Variants in EPHX2 observed in about 807,000 individuals in gnomAD.
EPHX2 encodes bifunctional epoxide hydrolase 2.
In EPHX2, 74 loss-of-function variants were observed where a neutral mutation model predicts 78.7. That is an observed-to-expected ratio of 0.94 (90% CI 0.78 to 1.14). The LOEUF (loss-of-function observed/expected upper bound fraction) is 1.14. Among genes scored for constraint, EPHX2 ranks in the 50% most tolerant of loss-of-function variants. The pLI is 0.00. For missense variants in EPHX2, 715 were observed against 702.5 expected, an observed-to-expected ratio of 1.02 and a Z score of -0.20; for synonymous variants, 251 against 255.2, an observed-to-expected ratio of 0.98 and a Z score of 0.16.
At chr8:27,507,043 T>G (rs2132726640) in intron 5 of EPHX2, 49 bp downstream of exon 5, 1 of 1,599,428 alleles carries the variant, frequency 6.3e-7, no homozygotes, top group African/African-American at 1.3e-5. Context: ...ATCTGTGGTT[T>G]CTGGACTCAG....
intron 12 of EPHX2, among the ~76,000 whole-genome samples, chr8:27,536,273 T>C (rs1415801593): frequency 6.6e-6 from 1 of 152,182 alleles, no homozygotes; most frequent in African/African-American, 2.4e-5. Flanking sequence ...AAAAAAATTG[T>C]TTAAGTTTCT....
chr8:27,503,602 A>G lies in EPHX2; in HGVS notation c.187-2A>G, dbSNP rs778159836. The G allele has an allele frequency of 6.2e-7, 1 of 1,607,824 alleles. No individual in the cohort carries two copies. The highest frequency in any genetic ancestry group is 8.5e-7 in the Non-Finnish European group (1 of 1,176,728). ...AATTGTCCCCTCACTTCACTTTGAC[A>G]GTGGATACCACTCATGGAAGAAAAC... On this transcript the variant is annotated splice_acceptor_variant, in intron 2 of 18. Transcript: ENST00000521400. LOFTEE classifies it high-confidence loss of function.
At chr8:27,536,175 C>T (rs1370143341) in intron 12 of EPHX2, among the ~76,000 whole-genome samples, 2 of 152,164 alleles carry the variant, frequency 1.3e-5, no homozygotes, top group Non-Finnish European at 2.9e-5. Context: ...GCTGCCCTGT[C>T]TGTGGAATAC....
intron 1 of EPHX2, among the ~76,000 whole-genome samples, chr8:27,497,458 G>T (rs1170988628): frequency 6.6e-6 from 1 of 152,202 alleles, no homozygotes; most frequent in Non-Finnish European, 1.5e-5. Context: ...AGGTTTGTTT[G>T]TGTGAGGGAC....
At chr8:27,538,808 T>G (rs1245445278) in intron 14 of EPHX2, 116 bp downstream of exon 14, 1 of 1,244,690 alleles carries the variant, frequency 8.0e-7, no homozygotes, top group Admixed American at 1.7e-5. Context: ...AACTTTAAGT[T>G]GCCCAACCAG....
intron 15 of EPHX2, 40 bp downstream of exon 15, chr8:27,540,696 T>A: frequency 7.8e-6 from 12 of 1,542,668 alleles, no homozygotes; most frequent in Non-Finnish European, 1.1e-5. Flanking sequence ...TGAGAGATGA[T>A]CGACAGATAG....
chr8:27,492,194 CT>C (rs1554518612), intron 1 of EPHX2, among the ~76,000 whole-genome samples: 1 of 152,102 alleles, frequency 6.6e-6, no homozygotes, highest in Non-Finnish European at 1.5e-5. Context: ...TGTCCGGAGC[CT>C]TTGCTTTTAA....
chr8:27,540,186 A>G (rs1815350586), intron 14 of EPHX2, among the ~76,000 whole-genome samples: 2 of 152,210 alleles, frequency 1.3e-5, no homozygotes, highest in Non-Finnish European at 2.9e-5. Flanking sequence ...AAAGGGCCAC[A>G]GTTAAGCTGG....
At chr8:27,500,902 C>T (rs747331659) in intron 1 of EPHX2, 24 bp from the exon 2 acceptor site, 1 of 1,600,938 alleles carries the variant, frequency 6.2e-7, no homozygotes, top group Non-Finnish European at 8.5e-7. Context: ...ACAGAATGTT[C>T]CTGATGTTCT....
chr8:27,502,111 C>T (rs949389117), intron 2 of EPHX2, among the ~76,000 whole-genome samples: 2 of 152,056 alleles, frequency 1.3e-5, no homozygotes, highest in African/African-American at 4.8e-5. Flanking sequence ...TACCATCCCT[C>T]CAAGAGTATT....
At chr8:27,526,518 A>G (rs535864258) in intron 12 of EPHX2, among the ~76,000 whole-genome samples, 88 of 152,274 alleles carry the variant, frequency 5.8e-4, no homozygotes, top group African/African-American at 1.9e-3. Flanking sequence ...TGGTGAGACT[A>G]TGGGTGTGGT....
At chr8:27,537,040 A>C (rs1355717359) in intron 13 of EPHX2, among the ~76,000 whole-genome samples, 185 bp downstream of exon 13, 1 of 152,210 alleles carries the variant, frequency 6.6e-6, no homozygotes, top group Non-Finnish European at 1.5e-5. Flanking sequence ...ACAAGGTCAG[A>C]GAATGATTAT....
intron 8 of EPHX2, among the ~76,000 whole-genome samples, chr8:27,517,799 G>A (rs978615998): frequency 2.6e-5 from 4 of 152,166 alleles, no homozygotes; most frequent in Admixed American, 2.6e-4. Flanking sequence ...AAAACACAGG[G>A]GGAAAGCTTG....
chr8:27,543,294 G>T (rs922780941), intron 16 of EPHX2, among the ~76,000 whole-genome samples: 1 of 152,122 alleles, frequency 6.6e-6, no homozygotes, highest in African/African-American at 2.4e-5. Context: ...GCCTTCCTGT[G>T]CATGCCTCCC....
chr8:27,526,996 A>G (rs928157712), intron 12 of EPHX2, among the ~76,000 whole-genome samples: 2 of 152,132 alleles, frequency 1.3e-5, no homozygotes, highest in Admixed American at 6.5e-5. Context: ...GCTGGAGTAC[A>G]GTGGCGCAAT....
chr8:27,526,489 T>C (rs1814850789), intron 12 of EPHX2, among the ~76,000 whole-genome samples: 1 of 152,096 alleles, frequency 6.6e-6, no homozygotes, highest in African/African-American at 2.4e-5. Context: ...TGTCCTTCAT[T>C]AGTGTGAGAT....
chr8:27,531,513 T>G (rs981183956), intron 12 of EPHX2, among the ~76,000 whole-genome samples: 4 of 152,210 alleles, frequency 2.6e-5, no homozygotes, highest in African/African-American at 9.7e-5. Context: ...TTGGCCTGTC[T>G]TGGAGAACAC....
At chr8:27,534,469 G>A (rs1815147252) in intron 12 of EPHX2, among the ~76,000 whole-genome samples, 1 of 152,100 alleles carries the variant, frequency 6.6e-6, no homozygotes, top group Non-Finnish European at 1.5e-5. Flanking sequence ...CGACCAACAT[G>A]ATGAAACCCC....
At position 27,538,759 on chromosome 8, in the gene EPHX2, T is replaced by A. The variant is rs375770010; in HGVS notation, c.1276+67T>A. 138 of 1,552,132 alleles carry A rather than the reference T, an allele frequency of 8.9e-5. 1 individual carries two copies. The highest frequency in any genetic ancestry group is 1.1e-4 in the Non-Finnish European group (129 of 1,124,410). ...AATGTTAAAGGGATGTTTCTGTCTC[T>A]GACTGCTATGGGCAGAAGCCCTGAG... On this transcript the variant is annotated intron_variant, in intron 14 of 18. Coordinates refer to ENST00000521400, the MANE Select transcript of EPHX2 (RefSeq NM_001979.6).
Sources: allele counts gnomAD v4.1 joint callset (sites outside exome capture counted in the v4.1 genomes callset), GRCh38; gene constraint gnomAD v4.1.1; transcripts MANE v1.5; gene names NCBI Gene and HGNC (gene_info 2026-07-23, HGNC 2026-07-21).